The following CCDC73 variants were observed in gnomAD, a reference collection of about 807,000 sequenced individuals.
CCDC73 encodes the protein coiled-coil domain containing 73, also known as coiled-coil domain-containing protein 73.
Under a neutral mutation model 116.5 loss-of-function variants are expected in CCDC73, and 95 were observed. The observed-to-expected ratio is 0.82, with a 90% CI of 0.69 to 0.97. CCDC73 has a LOEUF of 0.97. Among genes scored for constraint, CCDC73 ranks in the 50% least tolerant of loss-of-function variants. The probability of loss-of-function intolerance (pLI) is 0.00; values close to 1 mark genes in which losing one functional copy is unlikely to be tolerated. For synonymous variants in CCDC73, 398 were observed against 401.3 expected, an observed-to-expected ratio of 0.99 and a Z score of 0.10; for missense variants, 1,066 against 1,206.8, an observed-to-expected ratio of 0.88 and a Z score of 1.73.
chr11:32,684,894 C>G (rs1856180247), intron 6 of CCDC73, among the ~76,000 whole-genome samples: 1 of 152,012 alleles, frequency 6.6e-6, no homozygotes, highest in Non-Finnish European at 1.5e-5. Flanking sequence ...GCCAGGATGA[C>G]TGCTTGAGCC....
intron 1 of CCDC73, among the ~76,000 whole-genome samples, chr11:32,783,361 C>T (rs539023785): frequency 1.1e-4 from 16 of 152,272 alleles, no homozygotes; most frequent in African/African-American, 3.6e-4. Flanking sequence ...CTTCTATGCA[C>T]CCTTTCTCAG....
chr11:32,777,099 C>CTTT (rs759122829), intron 1 of CCDC73, among the ~76,000 whole-genome samples: 3 of 106,826 alleles, frequency 2.8e-5, no homozygotes, highest in South Asian at 2.9e-4. Flanking sequence ...TTTTTTCTTT[C>CTTT]TTTTTTTTTT....
chr11:32,700,802 C>T lies in CCDC73; in HGVS notation c.304G>A (p.Glu102Lys), dbSNP rs1449418892. Reference protein sequence around the residue: ...KQLQMKMCALEEEKGKYQLAT... With the variant: ...KQLQMKMCALKEEKGKYQLAT... ...AAAATTATAAATACCTTTTCTTCTT[C>T]CAGGGCACACATCTTCATCTGCAAC... The change falls in exon 5 of 18, where the codon GAA becomes AAA. Residue 102 changes from glutamate (E) to lysine (K), a missense_variant. Glu to Lys is a moderately conservative substitution (Grantham distance 56). Transcript: ENST00000335185. 2 of 1,431,428 alleles carry T rather than the reference C, an allele frequency of 1.4e-6. No homozygotes were observed. Among genetic ancestry groups the T allele is most frequent in the African/African-American group, 2.9e-5 (2 of 69,246 alleles). 88.7% of individuals were successfully genotyped at this position (1,431,428 alleles called of 1,614,324 possible).
intron 1 of CCDC73, among the ~76,000 whole-genome samples, chr11:32,763,894 T>A (rs1307196333): frequency 2.0e-5 from 3 of 152,084 alleles, no homozygotes; most frequent in Non-Finnish European, 4.4e-5. Context: ...CTAACTAGAA[T>A]AACCAGTGTA....
At chr11:32,809,834 G>A in the CCDC73 span, among the ~76,000 whole-genome samples, 238 of 152,226 alleles carry the variant, frequency 1.6e-3, 1 homozygote, top group Non-Finnish European at 2.5e-3. Context: ...TTGATATGTT[G>A]TAAAGATAAA....
Position 32,626,273 on chromosome 11 carries a change from C to T in CCDC73, c.1185+9423G>A, listed in dbSNP as rs551002328. Among the ~76,000 whole-genome samples, 1,122 of 151,590 alleles carry T rather than the reference C, an allele frequency of 7.4e-3. 14 individuals carry two copies. The highest frequency in any genetic ancestry group is 0.025 in the African/African-American group (1,021 of 41,262). On this transcript the variant is annotated intron_variant, in intron 14 of 17. Transcript: ENST00000335185. ...ACCTAGGAATCCAACTTACAAGGGA[C>T]GTGAAGGACCTCTTCAAGGAGAACT...
chr11:32,802,042 T>A, the CCDC73 span, among the ~76,000 whole-genome samples: 1 of 152,212 alleles, frequency 6.6e-6, no homozygotes, highest in African/African-American at 2.4e-5. Flanking sequence ...AAGCACTAGA[T>A]ACACAGTGAA....
chr11:32,666,604 C>A lies in CCDC73; in HGVS notation c.645+8961G>T, dbSNP rs1478233927. 3.3e-5 allele frequency among the ~76,000 whole-genome samples: 5 copies of A among 152,280 alleles called. No individual in the cohort carries two copies. The East Asian group carries it at 5.8e-4, about 18-fold the overall frequency. On this transcript the variant is annotated intron_variant, in intron 9 of 17. Transcript: ENST00000335185. Reference sequence around the variant, plus strand: ...TTTAGCTTCTTTGCGATGGGTTCGACCTTCCTCCTTTAGCTCGGAGAAGTT... The same window carrying A: ...TTTAGCTTCTTTGCGATGGGTTCGAACTTCCTCCTTTAGCTCGGAGAAGTT...
At chr11:32,774,966 G>A (rs549600993) in intron 1 of CCDC73, among the ~76,000 whole-genome samples, 1 of 152,290 alleles carries the variant, frequency 6.6e-6, no homozygotes, top group Non-Finnish European at 1.5e-5. Context: ...GTTTTAAGGT[G>A]AGTGTTTTGG....
intron 6 of CCDC73, among the ~76,000 whole-genome samples, chr11:32,698,844 G>A (rs1849781870): frequency 6.6e-6 from 1 of 152,060 alleles, no homozygotes; most frequent in African/African-American, 2.4e-5. Flanking sequence ...AACAACTTAA[G>A]GGCAAAGGTA....
chr11:32,620,538 G>A (rs1460653374), intron 14 of CCDC73, among the ~76,000 whole-genome samples: 1 of 148,816 alleles, frequency 6.7e-6, no homozygotes, highest in Non-Finnish European at 1.5e-5. Flanking sequence ...AGGAACCTGG[G>A]AGGCGGAGCT....
chr11:32,830,567 C>A, the CCDC73 span: 1 of 1,608,976 alleles, frequency 6.2e-7, no homozygotes, highest in African/African-American at 1.3e-5. Flanking sequence ...CAACTGCCCA[C>A]AGTTACCCTG....
intron 4 of CCDC73, among the ~76,000 whole-genome samples, chr11:32,701,546 TA>T (rs1055407276): frequency 4.6e-5 from 7 of 151,760 alleles, no homozygotes; most frequent in African/African-American, 1.5e-4. Flanking sequence ...AAAAAACTTT[TA>T]AAAAAAAATT....
chr11:32,703,636 C>T (rs539671820), intron 3 of CCDC73, among the ~76,000 whole-genome samples: 1 of 152,128 alleles, frequency 6.6e-6, no homozygotes, highest in African/African-American at 2.4e-5. Flanking sequence ...CAACAAAAAC[C>T]AGTTTTATCA....
chr11:32,651,630 A>G (rs922697167), intron 12 of CCDC73, among the ~76,000 whole-genome samples: 1 of 152,196 alleles, frequency 6.6e-6, no homozygotes, highest in African/African-American at 2.4e-5. Flanking sequence ...CTCCATTACC[A>G]TTAGACTTCA....
intron 9 of CCDC73, among the ~76,000 whole-genome samples, chr11:32,670,452 G>A (rs907975938): frequency 2.0e-5 from 3 of 151,892 alleles, no homozygotes; most frequent in Non-Finnish European, 2.9e-5. Flanking sequence ...AACCTGGGGG[G>A]CGGAGCTTGC....
At chr11:32,732,506 G>C (rs1850088113) in intron 2 of CCDC73, among the ~76,000 whole-genome samples, 1 of 152,094 alleles carries the variant, frequency 6.6e-6, no homozygotes, top group African/African-American at 2.4e-5. Flanking sequence ...AAATGTTAAG[G>C]GCAGCCAGAA....
intron 6 of CCDC73, among the ~76,000 whole-genome samples, chr11:32,686,534 A>G (rs1856203970): frequency 6.6e-6 from 1 of 152,092 alleles, no homozygotes; most frequent in South Asian, 2.1e-4. Flanking sequence ...ATCTAGAAAA[A>G]TAAGAGGAAA....
At chr11:32,748,949 T>C (rs7121759) in intron 2 of CCDC73, among the ~76,000 whole-genome samples, 41,196 of 152,110 alleles carry the variant, frequency 0.27, 6,461 homozygotes, top group East Asian at 0.79. Flanking sequence ...GTTTCTTTTA[T>C]CTTGATGCTT....
Sources: gnomAD v4.1 joint callset for allele counts (sites outside exome capture counted in the v4.1 genomes callset) on GRCh38, gnomAD v4.1.1 for gene constraint, MANE v1.5 for transcripts, NCBI Gene and HGNC (gene_info 2026-07-23, HGNC 2026-07-21) for gene names.